TLK1: variants seen among roughly 807,000 people sequenced by gnomAD.
The protein encoded by TLK1 is tousled like kinase 1, also known as serine/threonine-protein kinase tousled-like 1.
Under a neutral mutation model 105.3 loss-of-function variants are expected in TLK1, and 24 were observed. That is an observed-to-expected ratio of 0.23 (90% CI 0.17 to 0.32). The LOEUF is 0.32. TLK1 is among the 10% of genes least tolerant of loss of function. TLK1 has a pLI of 1.00. For synonymous variants in TLK1, 321 were observed against 310.4 expected (o/e 1.03, Z -0.36); for missense variants, 558 against 910.5 (o/e 0.61, Z 4.98).
intron 2 of TLK1, among the ~76,000 whole-genome samples, chr2:171,108,815 C>T (rs112486261): frequency 5.9e-5 from 9 of 152,146 alleles, no homozygotes; most frequent in East Asian, 3.9e-4. Context: ...AGGCTGGTCT[C>T]GAACTCCTGG....
intron 3 of TLK1, among the ~76,000 whole-genome samples, chr2:171,080,575 G>A (rs1029564707): frequency 1.8e-5 from 2 of 111,208 alleles, no homozygotes; most frequent in East Asian, 3.1e-4. Flanking sequence ...TAATAATAAT[G>A]GTAATAGTAA....
intron 1 of TLK1, among the ~76,000 whole-genome samples, chr2:171,192,428 C>T (rs1009386160): frequency 6.6e-6 from 1 of 152,090 alleles, no homozygotes; most frequent in East Asian, 1.9e-4. Flanking sequence ...GCCTATAATC[C>T]CAGCACTTTG....
intron 12 of TLK1, among the ~76,000 whole-genome samples, chr2:171,023,592 C>T (rs1034110616): frequency 6.6e-6 from 1 of 151,922 alleles, no homozygotes; most frequent in Non-Finnish European, 1.5e-5. Context: ...AGTAACATAC[C>T]CACATGCTGT....
intron 3 of TLK1, among the ~76,000 whole-genome samples, chr2:171,069,868 A>G (rs980263233): frequency 1.3e-5 from 2 of 152,252 alleles, no homozygotes; most frequent in African/African-American, 4.8e-5. Context: ...AACATAAACA[A>G]AAGCTCTTTA....
chr2:171,224,918 TG>T (rs1456632697), intron 1 of TLK1, among the ~76,000 whole-genome samples: 1 of 152,220 alleles, frequency 6.6e-6, no homozygotes, highest in Non-Finnish European at 1.5e-5. Flanking sequence ...TACAGTTAAT[TG>T]ATTTTTTCAA....
At chr2:171,077,231 T>G (rs1688553557) in intron 3 of TLK1, among the ~76,000 whole-genome samples, 1 of 152,216 alleles carries the variant, frequency 6.6e-6, no homozygotes, top group Admixed American at 6.5e-5. Flanking sequence ...TCTACCCCAA[T>G]TCAGGGGAAA....
At chr2:171,077,787 A>G (rs980477575) in intron 3 of TLK1, among the ~76,000 whole-genome samples, 2 of 152,250 alleles carry the variant, frequency 1.3e-5, no homozygotes, top group African/African-American at 4.8e-5. Flanking sequence ...AGAATATACA[A>G]GTGTAAAAGA....
rs1283537486 is a variant in TLK1, at chr2:171,043,828, C to T, written c.1169+2346G>A. Among the ~76,000 whole-genome samples the T allele has an allele frequency of 6.6e-5, 10 of 152,126 alleles. No homozygotes were observed. In the South Asian group the frequency reaches 1.7e-3, roughly 25 times the overall value. ...CTCCTGGACTCAAGTGATCCTCCCA[C>T]CGCAGCCTTCCAAAGCACTGGGATT... On this transcript the variant is annotated intron_variant, in intron 11 of 20. Coordinates refer to ENST00000431350, the MANE Select transcript of TLK1 (RefSeq NM_012290.5).
At chr2:171,082,030 T>TACACACACACAC (rs3084370) in intron 3 of TLK1, among the ~76,000 whole-genome samples, 29 of 146,720 alleles carry the variant, frequency 2.0e-4, no homozygotes, top group East Asian at 6.1e-4. Flanking sequence ...ACGGGAAAAA[T>TACACACACACAC]ACACACACAC....
In TLK1 at chr2:171,108,357, A is replaced by G. The variant is rs188224166; in HGVS notation, c.258+9382T>C. On this transcript the variant is annotated intron_variant, in intron 2 of 20. Transcript: ENST00000431350. ...GACACTCTATACTCATATACTATAC[A>G]CTACACTGAGTATACTGTCATTATA... Among the ~76,000 whole-genome samples, 69 of 152,264 alleles carry G rather than the reference A, an allele frequency of 4.5e-4. 1 individual carries two copies. The East Asian group carries it at 0.011, about 25-fold the overall frequency.
intron 1 of TLK1, among the ~76,000 whole-genome samples, chr2:171,220,723 T>G (rs547111137): frequency 1.4e-4 from 21 of 152,234 alleles, no homozygotes; most frequent in East Asian, 9.6e-4. Flanking sequence ...GTGTTTGTTT[T>G]TTTTTTTGAG....
chr2:171,065,946 A>G (rs932541411), intron 3 of TLK1, among the ~76,000 whole-genome samples: 2 of 152,212 alleles, frequency 1.3e-5, no homozygotes, highest in Admixed American at 6.5e-5. Flanking sequence ...AACAATGTTC[A>G]ATTTTTATCC....
intron 12 of TLK1, among the ~76,000 whole-genome samples, chr2:171,021,940 A>AAT (rs1553605609): frequency 5.3e-5 from 8 of 151,934 alleles, no homozygotes; most frequent in Middle Eastern, 3.2e-3. Flanking sequence ...TCTACTAAAA[A>AAT]ATATATATAA....
intron 1 of TLK1, among the ~76,000 whole-genome samples, chr2:171,139,083 A>T (rs1199524668): frequency 2.6e-5 from 4 of 152,204 alleles, no homozygotes; most frequent in African/African-American, 9.7e-5. Context: ...AGTGACTAAG[A>T]CGTGTATCAC....
chr2:171,188,817 G>C (rs1693087529), intron 1 of TLK1, among the ~76,000 whole-genome samples: 2 of 151,144 alleles, frequency 1.3e-5, no homozygotes, highest in South Asian at 4.2e-4. Context: ...GGAGGTTGCA[G>C]TGAGCCGAGA....
rs189673765 is a variant in TLK1 at position 171,075,794 on chromosome 2, G to A, written c.330+6987C>T. Among the ~76,000 whole-genome samples the A allele has an allele frequency of 2.2e-3, 336 of 152,262 alleles. 6 individuals carry two copies. Among genetic ancestry groups the A allele is most frequent in the East Asian group, 4.1e-3 (21 of 5,184 alleles). On this transcript the variant is annotated intron_variant, in intron 3 of 20. Transcript: ENST00000431350. ...ATTAAGAATTCCAAATGAGCTAGAAGATACATAATCTAACTTAGCATCTTG... is the reference window on the plus strand; with the variant it reads ...ATTAAGAATTCCAAATGAGCTAGAAAATACATAATCTAACTTAGCATCTTG...
chr2:171,200,475 A>G lies in TLK1; in HGVS notation c.-6+30670T>C, dbSNP rs536686534. Among the ~76,000 whole-genome samples, 46 of 152,340 alleles carry G rather than the reference A, an allele frequency of 3.0e-4. 1 individual carries two copies. The highest frequency in any genetic ancestry group is 2.7e-3 in the Admixed American group (42 of 15,314). On this transcript the variant is annotated intron_variant, in intron 1 of 20. Transcript: ENST00000521943. ...GCCCACATTTTACAGTCTTGCCGCA[A>G]TGTATTGGGATCCATTAAGGTAGGC... is the stretch of plus-strand genomic sequence containing the variant.
chr2:171,218,266 A>G (rs1179712974), intron 1 of TLK1, among the ~76,000 whole-genome samples: 1 of 151,326 alleles, frequency 6.6e-6, no homozygotes, highest in Non-Finnish European at 1.5e-5. Flanking sequence ...CAAACAAACA[A>G]ACAACAACAA....
intron 6 of TLK1, 29 bp from the exon 7 acceptor site, chr2:171,055,201 A>T: frequency 1.1e-5 from 10 of 894,410 alleles, no homozygotes; most frequent in Non-Finnish European, 1.4e-5. Context: ...TTTTTATATT[A>T]GCAAAAAAAA....
Sources: allele counts gnomAD v4.1 joint callset (sites outside exome capture counted in the v4.1 genomes callset), GRCh38; gene constraint gnomAD v4.1.1; transcripts MANE v1.5; gene names NCBI Gene and HGNC (gene_info 2026-07-23, HGNC 2026-07-21).